Variants in AKNA observed in about 807,000 individuals in gnomAD.
AKNA encodes AT-hook transcription factor.
AKNA carries 67 observed loss-of-function variants against 138.8 expected under a neutral mutation model. The observed-to-expected ratio is 0.48, with a 90% CI of 0.40 to 0.59. AKNA has a LOEUF of 0.59. AKNA is among the 20% of genes least tolerant of loss of function. The pLI, the probability that AKNA is intolerant of heterozygous loss-of-function variation, is 0.00. For missense variants in AKNA, 1,813 were observed against 1,880.4 expected (o/e 0.96, Z 0.66); for synonymous variants, 737 against 754.4 (o/e 0.98, Z 0.38).
chr9:114,370,231 G>A (rs1293198273), intron 4 of AKNA, among the ~76,000 whole-genome samples: 2 of 152,218 alleles, frequency 1.3e-5, no homozygotes, highest in Non-Finnish European at 2.9e-5. Flanking sequence ...CTCCCCAGAT[G>A]AGAACAAAGC....
At chr9:114,339,810 T>A (rs1391623239) in intron 21 of AKNA, among the ~76,000 whole-genome samples, 1 of 152,130 alleles carries the variant, frequency 6.6e-6, no homozygotes, top group Non-Finnish European at 1.5e-5. Flanking sequence ...GAAAGCAAAT[T>A]TACATACCGG....
chr9:114,358,654 GTC>G (rs112040350), intron 11 of AKNA, among the ~76,000 whole-genome samples: 6 of 151,442 alleles, frequency 4.0e-5, no homozygotes, highest in African/African-American at 2.4e-5. Flanking sequence ...CTCTCATACT[GTC>G]TCTCTCTCTC....
At chr9:114,345,647 T>A in intron 18 of AKNA, 2 of 526,946 alleles carry the variant, frequency 3.8e-6, no homozygotes, top group East Asian at 3.4e-5. Flanking sequence ...AGGGGAAGCA[T>A]CAGAAAGTGT....
chr9:114,372,572 G>A (rs1832850644), intron 4 of AKNA, among the ~76,000 whole-genome samples: 1 of 152,164 alleles, frequency 6.6e-6, no homozygotes, highest in South Asian at 2.1e-4. Context: ...GGAGGAGGGA[G>A]GGTGCAGACG....
At chr9:114,357,841 A>C (rs1365053978) in intron 12 of AKNA, 80 bp downstream of exon 12, 12 of 1,565,620 alleles carry the variant, frequency 7.7e-6, no homozygotes, top group Non-Finnish European at 9.4e-6. Flanking sequence ...TAGCACAAGG[A>C]AAGACCCAGA....
Position 114,381,460 on chromosome 9 carries a change from A to G in AKNA, c.-113-14T>C. ...CCTGCCTGTGCCCTGTCAGGGACAC[A>G]TTCAAGAGAGAACATTAATCAATCC... On this transcript the variant is annotated splice_polypyrimidine_tract_variant and intron_variant, in intron 1 of 21. Coordinates refer to ENST00000374088, the MANE Select transcript of AKNA (RefSeq NM_001317950.2). 2 of 1,420,484 alleles carry G rather than the reference A, an allele frequency of 1.4e-6. No individual in the cohort carries two copies. The highest frequency in any genetic ancestry group is 1.8e-6 in the Non-Finnish European group (2 of 1,091,186). The allele number at this position is 1,420,484 out of a possible 1,614,324, so 88.0% of individuals were successfully genotyped here. A position where few individuals can be genotyped will look rare whatever the true frequency, so the allele number is the denominator to read the frequency against.
At chr9:114,394,465 A>T (rs1275106055), upstream of AKNA, 1 of 152,118 alleles carries the variant, frequency 6.6e-6, no homozygotes, top group Non-Finnish European at 1.5e-5. Context: ...CAGCTCTGAC[A>T]TCCTATAACA....
In AKNA at chr9:114,362,510, G is replaced by C; in HGVS notation, c.1812C>G (p.Ala604=). ...QVKGFQRLKA[A]HAALEEEYLK... is the part of the protein sequence containing the mutation. Reference sequence around the variant, plus strand: ...GGTACTCCTCCTCTAGGGCCGCGTGGGCAGCCTTCAGCCGCTGGAAGCCCT... The same window carrying C: ...GGTACTCCTCCTCTAGGGCCGCGTGCGCAGCCTTCAGCCGCTGGAAGCCCT... Residue 604 remains alanine (A), a synonymous_variant, in exon 8 of 22, where the codon GCC becomes GCG. Transcript: ENST00000374088. 6.2e-7 allele frequency: 1 copy of C among 1,613,380 alleles called. No individual in the cohort carries two copies. Among genetic ancestry groups the C allele is most frequent in the Non-Finnish European group, 8.5e-7 (1 of 1,179,828 alleles).
chr9:114,382,012 C>T (rs934989390), intron 1 of AKNA, among the ~76,000 whole-genome samples: 4 of 152,178 alleles, frequency 2.6e-5, no homozygotes, highest in East Asian at 3.9e-4. Flanking sequence ...AGTGCACCAA[C>T]GAACAGGTGT....
chr9:114,381,383 G>A lies in AKNA; in HGVS notation c.-50C>T. On this transcript the variant is annotated 5_prime_UTR_variant, in exon 2 of 22. Coordinates refer to ENST00000374088, the MANE Select transcript of AKNA (RefSeq NM_001317950.2). The stretch of plus-strand genomic sequence containing the variant: ...GGCCACTTCATCTTCAGGAGACAGA[G>A]CTGCTGCCAGGGGCCCCAGAGTCAC... 1 of 1,476,802 alleles carries A rather than the reference G, an allele frequency of 6.8e-7. No homozygotes were observed. Among genetic ancestry groups the A allele is most frequent in the Non-Finnish European group, 9.0e-7 (1 of 1,116,288 alleles). The allele number at this position is 1,476,802 out of a possible 1,614,324, so 91.5% of individuals were successfully genotyped here.
At chr9:114,357,871 C>T in intron 12 of AKNA, 50 bp downstream of exon 12, 2 of 1,579,158 alleles carry the variant, frequency 1.3e-6, no homozygotes, top group Middle Eastern at 4.3e-4. Context: ...TTGAGAAGAC[C>T]CAGGAATGAC....
intron 1 of AKNA, among the ~76,000 whole-genome samples, chr9:114,386,344 G>T (rs764408928): frequency 6.6e-6 from 1 of 152,224 alleles, no homozygotes. Flanking sequence ...ATGAGGATTT[G>T]GGGGAGAAGA....
intron 1 of AKNA, among the ~76,000 whole-genome samples, chr9:114,385,055 C>T (rs1589037000): frequency 6.6e-6 from 1 of 152,108 alleles, no homozygotes; most frequent in African/African-American, 2.4e-5. Flanking sequence ...GGTTTTGCCA[C>T]GTTGCCCAGG....
chr9:114,332,890 C>G (rs1423267117), downstream of AKNA, among the ~76,000 whole-genome samples: 2 of 152,124 alleles, frequency 1.3e-5, no homozygotes, highest in African/African-American at 2.4e-5. Context: ...AGCTGAGGTT[C>G]AGAGACAGAA....
rs931376854 is a variant in AKNA at position 114,375,309 on chromosome 9, G to C, written c.1342-1142C>G. On this transcript the variant is annotated intron_variant, in intron 3 of 21. Transcript: ENST00000374088. Reference sequence around the variant, plus strand: ...TCCGCAACAAATGAATTGCACGGCAGAAGTAAGAAGGAGGACGGACTAAGA... The same window carrying C: ...TCCGCAACAAATGAATTGCACGGCACAAGTAAGAAGGAGGACGGACTAAGA... Among the ~76,000 whole-genome samples, 25 of 152,328 alleles carry C rather than the reference G, an allele frequency of 1.6e-4. 3 individuals carry two copies. The highest frequency in any genetic ancestry group is 1.6e-3 in the Admixed American group (25 of 15,302).
intron 2 of AKNA, among the ~76,000 whole-genome samples, chr9:114,378,610 G>A (rs1833414423): frequency 6.6e-6 from 1 of 152,056 alleles, no homozygotes; most frequent in South Asian, 2.1e-4. Context: ...GGAAGATAAG[G>A]TATATAAAGC....
upstream of AKNA, among the ~76,000 whole-genome samples, chr9:114,392,548 T>G (rs1834385545): frequency 6.6e-6 from 1 of 152,266 alleles, no homozygotes; most frequent in African/African-American, 2.4e-5. Context: ...ACTGGGTTCT[T>G]GGGATGACGG....
In AKNA at chr9:114,347,802, G is replaced by A. The variant is rs1412927689; in HGVS notation, c.3320C>T (p.Ala1107Val). The change falls in exon 16 of 22, where the codon GCA (alanine) becomes GTA (valine). Residue 1107 changes from alanine to valine, a missense_variant. By Grantham distance (64) the Ala-to-Val change is moderately conservative (BLOSUM62 0). Coordinates refer to ENST00000374088, the MANE Select transcript of AKNA (RefSeq NM_001317950.2). ...CCGGGCGGGGCGGTCAAAGGCAGAT[G>A]CTGGGCGTGTCGGGCTGCCCTGGAG... ...QPLQGSPTRP[A>V]SAFDRPARTR... The A allele has an allele frequency of 2.6e-6, 4 of 1,551,244 alleles. No homozygotes were observed. Among genetic ancestry groups the A allele is most frequent in the South Asian group, 2.4e-5 (2 of 83,856 alleles).
downstream of AKNA, chr9:114,330,573 C>G: frequency 2.5e-6 from 4 of 1,612,964 alleles, no homozygotes; most frequent in Non-Finnish European, 3.4e-6. Flanking sequence ...GAGTACCAGA[C>G]CCGGTGAGAG....
Sources: allele counts gnomAD v4.1 joint callset (sites outside exome capture counted in the v4.1 genomes callset), GRCh38; gene constraint gnomAD v4.1.1; transcripts MANE v1.5; gene names NCBI Gene and HGNC (gene_info 2026-07-23, HGNC 2026-07-21).